Variants in TRPS1 observed in about 807,000 individuals in gnomAD.
TRPS1 encodes the protein zinc finger transcription factor Trps1.
In TRPS1, 6 loss-of-function variants were observed where a neutral mutation model predicts 101.2. The observed-to-expected ratio is 0.06, with a 90% confidence interval of 0.03 to 0.12. TRPS1 has a LOEUF of 0.12. Among genes scored for constraint, TRPS1 ranks in the 10% least tolerant of loss-of-function variants. The probability of loss-of-function intolerance (pLI) is 1.00; values close to 1 mark genes in which losing one functional copy is unlikely to be tolerated. For missense variants in TRPS1, 1,363 were observed against 1,567.0 expected (o/e 0.87, Z 2.20); for synonymous variants, 578 against 589.8 (o/e 0.98, Z 0.29).
chr8:115,625,077 T>G (rs994771602), intron 1 of TRPS1, among the ~76,000 whole-genome samples: 2 of 151,946 alleles, frequency 1.3e-5, no homozygotes. Flanking sequence ...AAACAGAGCT[T>G]AGATCACGCA....
intron 5 of TRPS1, among the ~76,000 whole-genome samples, chr8:115,459,629 T>C (rs927429843): frequency 9.9e-5 from 15 of 152,204 alleles, no homozygotes; most frequent in African/African-American, 3.4e-4. Context: ...TTTAGTGATC[T>C]TTTAAGTGGA....
At chr8:115,483,336 G>A (rs531971879) in intron 5 of TRPS1, among the ~76,000 whole-genome samples, 6 of 151,620 alleles carry the variant, frequency 4.0e-5, no homozygotes, top group African/African-American at 9.7e-5. Context: ...GTGTAAGACC[G>A]GCCTGGGCAA....
intron 5 of TRPS1, among the ~76,000 whole-genome samples, chr8:115,457,073 G>A (rs997917392): frequency 6.6e-6 from 1 of 152,098 alleles, no homozygotes; most frequent in Non-Finnish European, 1.5e-5. Context: ...CCATTCAAAT[G>A]ATGTGGTTTA....
chr8:115,668,045 C>G, intron 1 of TRPS1: 1 of 699,088 alleles, frequency 1.4e-6, no homozygotes, highest in Non-Finnish European at 2.4e-6. Flanking sequence ...GGGAGTGGGG[C>G]TGCGAGGGGG....
In TRPS1 at chr8:115,619,870, A is replaced by G; in HGVS notation, c.228T>C (p.His76=). The G allele has an allele frequency of 1.9e-6, 3 of 1,614,210 alleles. No homozygotes were observed. The highest frequency in any genetic ancestry group is 2.5e-6 in the Non-Finnish European group (3 of 1,180,022). ...TACTGCTAGAAGATGGATCTTGAAC[A>G]TGCAAGCTATGTTCCTCCTTATGAT... ...ELNHKEEHSL[H]VQDPSSSSKK... The change falls in exon 3 of 7, where the codon CAT becomes CAC. Residue 76 remains histidine, a synonymous_variant. Coordinates refer to ENST00000395715, the MANE Select transcript of TRPS1 (RefSeq NM_014112.5).
intron 5 of TRPS1, among the ~76,000 whole-genome samples, chr8:115,434,651 A>T (rs1353268081): frequency 6.6e-6 from 1 of 152,142 alleles, no homozygotes; most frequent in African/African-American, 2.4e-5. Context: ...TCGCCCTTGG[A>T]ATTACAGTTA....
At chr8:115,492,653 C>G (rs892964698) in intron 5 of TRPS1, among the ~76,000 whole-genome samples, 1 of 152,100 alleles carries the variant, frequency 6.6e-6, no homozygotes, top group African/African-American at 2.4e-5. Context: ...TGAATGGACT[C>G]TACGTTTCTC....
chr8:115,559,813 C>G (rs1263523599), intron 5 of TRPS1, among the ~76,000 whole-genome samples: 1 of 152,084 alleles, frequency 6.6e-6, no homozygotes, highest in Non-Finnish European at 1.5e-5. Context: ...AGGTGTACAT[C>G]TTTTATATGA....
chr8:115,514,164 T>A (rs536278839), intron 5 of TRPS1, among the ~76,000 whole-genome samples: 62 of 151,896 alleles, frequency 4.1e-4, no homozygotes, highest in African/African-American at 1.4e-3. Flanking sequence ...TTCTCTAAGA[T>A]ACTCTCTTGT....
intron 1 of TRPS1, among the ~76,000 whole-genome samples, chr8:115,645,352 G>A (rs1819000388): frequency 6.6e-6 from 1 of 152,052 alleles, no homozygotes; most frequent in Admixed American, 6.6e-5. Flanking sequence ...TTATTCTCCT[G>A]CCGAAAAACT....
rs1050854551 is a variant in TRPS1 at position 115,502,453 on chromosome 8, A to G, written c.2701-84001T>C. 5.9e-5 allele frequency among the ~76,000 whole-genome samples: 9 copies of G among 152,308 alleles called. No homozygotes were observed. In the South Asian group the frequency reaches 1.7e-3, roughly 28 times the overall value. ...TCCAGGCAAACATAGGGTTATGAAA[A>G]GAGAAGCTACCAGTACAGAAATGTG... On this transcript the variant is annotated intron_variant, in intron 5 of 6. Coordinates refer to ENST00000395715, the MANE Select transcript of TRPS1 (RefSeq NM_014112.5).
chr8:115,465,682 T>A (rs970665644), intron 5 of TRPS1, among the ~76,000 whole-genome samples: 23 of 152,258 alleles, frequency 1.5e-4, no homozygotes, highest in African/African-American at 5.3e-4. Flanking sequence ...AGAGCAGACC[T>A]AATTTCTGTG....
intron 1 of TRPS1, among the ~76,000 whole-genome samples, chr8:115,645,229 G>A (rs2737241): frequency 0.5 from 76,067 of 151,648 alleles, 22,487 homozygotes; most frequent in African/African-American, 0.82. Context: ...ATATACACAC[G>A]CACACACATA....
intron 5 of TRPS1, among the ~76,000 whole-genome samples, chr8:115,459,985 C>T (rs182738401): frequency 1.4e-3 from 220 of 152,122 alleles, no homozygotes; most frequent in Middle Eastern, 3.4e-3. Flanking sequence ...TAATATACTT[C>T]GATAACACAC....
intron 1 of TRPS1, among the ~76,000 whole-genome samples, chr8:115,628,941 G>A (rs573414455): frequency 9.9e-5 from 15 of 151,920 alleles, no homozygotes; most frequent in African/African-American, 3.4e-4. Context: ...AGCGTTTACA[G>A]CTCTAAGAAG....
intron 1 of TRPS1, among the ~76,000 whole-genome samples, chr8:115,654,571 T>C (rs1811637505): frequency 6.6e-6 from 1 of 152,154 alleles, no homozygotes; most frequent in Admixed American, 6.6e-5. Flanking sequence ...ATATCCTTAA[T>C]TCAAATGGAC....
intron 2 of TRPS1, 122 bp from the exon 3 acceptor site, chr8:115,620,182 G>GAAA: frequency 4.3e-6 from 3 of 690,046 alleles, no homozygotes; most frequent in Non-Finnish European, 6.6e-6. Context: ...CTTCCTCTAG[G>GAAA]AAAAAAAAAA....
intron 5 of TRPS1, among the ~76,000 whole-genome samples, chr8:115,426,556 T>C (rs1813190642): frequency 6.6e-6 from 1 of 151,910 alleles, no homozygotes. Context: ...TCATAGTATC[T>C]AACATAATAA....
At chr8:115,660,861 T>C (rs953513452) in intron 1 of TRPS1, among the ~76,000 whole-genome samples, 1 of 151,938 alleles carries the variant, frequency 6.6e-6, no homozygotes, top group Admixed American at 6.6e-5. Context: ...AAATAGGACA[T>C]AGATCAACCC....
Sources: gnomAD v4.1 joint callset for allele counts (sites outside exome capture counted in the v4.1 genomes callset) on GRCh38, gnomAD v4.1.1 for gene constraint, MANE v1.5 for transcripts, NCBI Gene and HGNC (gene_info 2026-07-23, HGNC 2026-07-21) for gene names.